Variants in MED9 observed in about 807,000 individuals in gnomAD.
MED9 encodes the protein mediator complex subunit 9, also known as mediator of RNA polymerase II transcription subunit 9.
A neutral mutation model predicts 13.2 loss-of-function variants in MED9; 8 were observed. The observed-to-expected ratio is 0.61, with a 90% confidence interval of 0.36 to 1.10. The LOEUF is 1.10. MED9 is among the 50% of genes least tolerant of loss of function. The pLI, the probability that MED9 is intolerant of heterozygous loss-of-function variation, is 0.02. For missense variants in MED9, 180 were observed against 193.4 expected (o/e 0.93, Z 0.41); for synonymous variants, 87 against 82.8 (o/e 1.05, Z -0.28).
chr17:17,483,872 G>C lies in MED9; in HGVS notation c.224+6607G>C, dbSNP rs920217561. ...GAATCGCTTGAACCCGGGAGGCGGA[G>C]GTTGCAGTGAGCCACGATCGCACCA... On this transcript the variant is annotated intron_variant, in intron 1 of 1. Coordinates refer to ENST00000268711, the MANE Select transcript of MED9 (RefSeq NM_018019.3). The surrounding 1 kb of genome is among the most constrained non-coding windows in gnomAD (Gnocchi z 4.2). Among the ~76,000 whole-genome samples, 6 of 151,546 alleles carry C rather than the reference G, an allele frequency of 4.0e-5. No homozygotes were observed. The highest frequency in any genetic ancestry group is 7.4e-5 in the Non-Finnish European group (5 of 67,938).
chr17:17,477,027 C>G lies in MED9; in HGVS notation c.-15C>G. ...TTTTGGCGACCCGACCTCTGGCTAA[C>G]CTACCCCCGGAGCCATGGCCTCTGC... On this transcript the variant is annotated 5_prime_UTR_variant, in exon 1 of 2. Coordinates refer to ENST00000268711, the MANE Select transcript of MED9 (RefSeq NM_018019.3). 2 of 1,604,144 alleles carry G rather than the reference C, an allele frequency of 1.2e-6. No individual in the cohort carries two copies. Among genetic ancestry groups the G allele is most frequent in the South Asian group, 1.1e-5 (1 of 90,966 alleles).
At chr17:17,484,804 GAAGGCA>G (rs1905096440) in intron 1 of MED9, among the ~76,000 whole-genome samples, 1 of 152,198 alleles carries the variant, frequency 6.6e-6, no homozygotes. Context: ...CAAGCCCCAC[GAAGGCA>G]GGCCTTCGCG....
intron 1 of MED9, among the ~76,000 whole-genome samples, chr17:17,488,580 T>A (rs1433688381): frequency 6.6e-6 from 1 of 152,204 alleles, no homozygotes; most frequent in African/African-American, 2.4e-5. Context: ...ACGCCTGTAA[T>A]CCCAGCACTT....
Position 17,491,605 on chromosome 17 carries a change from C to A in MED9, c.*110C>A. Reference sequence around the variant, plus strand: ...TCCTGTGGACCCCAGCTCAGCTCGTCAAGCTGCAGGGGCGGGGCTCCTGTG... The same window carrying A: ...TCCTGTGGACCCCAGCTCAGCTCGTAAAGCTGCAGGGGCGGGGCTCCTGTG... On this transcript the variant is annotated 3_prime_UTR_variant, in exon 2 of 2. Transcript: ENST00000268711. 1 of 1,070,892 alleles carries A rather than the reference C, an allele frequency of 9.3e-7. No homozygotes were observed. The highest frequency in any genetic ancestry group is 1.4e-6 in the Non-Finnish European group (1 of 728,512). The allele number at this position is 1,070,892 out of a possible 1,614,324, so 66.3% of individuals were successfully genotyped here.
At position 17,491,318 on chromosome 17, in the gene MED9, C is replaced by T. The variant is rs535725583; in HGVS notation, c.264C>T (p.Asn88=). 42 of 1,613,966 alleles carry T rather than the reference C, an allele frequency of 2.6e-5. No individual in the cohort carries two copies. Among genetic ancestry groups the T allele is most frequent in the South Asian group, 5.5e-5 (5 of 91,088 alleles). ...GCCCGGAGGTCCACCAGGACCTGAA[C>T]GCCCTCAAAAGCAAGTTCCAGGAGA... ...KDSPEVHQDL[N]ALKSKFQEMR... The change falls in exon 2 of 2, where the codon AAC becomes AAT. Residue 88 remains asparagine, a synonymous_variant. Transcript: ENST00000268711.
rs952538082 is a variant in MED9, at chr17:17,490,412, A to G, written c.225-867A>G. On this transcript the variant is annotated intron_variant, in intron 1 of 1. Transcript: ENST00000268711. ...AGCCGAGATCGCACCACTGCCCTCC[A>G]GTCTGGGCGACAGAGTGAGACCCTG... Among the ~76,000 whole-genome samples, 53 of 152,252 alleles carry G rather than the reference A, an allele frequency of 3.5e-4. 1 individual carries two copies. The highest frequency in any genetic ancestry group is 1.3e-3 in the African/African-American group (53 of 41,468).
At chr17:17,477,299 C>A in intron 1 of MED9, 34 bp downstream of exon 1, 1 of 1,531,042 alleles carries the variant, frequency 6.5e-7, no homozygotes, top group South Asian at 1.3e-5. Context: ...GCCCCATACT[C>A]CCTCCAGCTT....
chr17:17,477,875 A>C (rs1904953820), intron 1 of MED9, among the ~76,000 whole-genome samples: 1 of 152,270 alleles, frequency 6.6e-6, no homozygotes, highest in Admixed American at 6.5e-5. Context: ...ACAGTACCAA[A>C]GGAAATAATT....
intron 1 of MED9, chr17:17,486,381 C>T (rs1350672107): frequency 1.3e-5 from 2 of 152,638 alleles, no homozygotes; most frequent in South Asian, 2.1e-4. Context: ...ACCAGGGCTG[C>T]GTGCGGCGCT....
In MED9 at chr17:17,491,561, A is replaced by C; in HGVS notation, c.*66A>C. The C allele has an allele frequency of 2.6e-5, 36 of 1,403,198 alleles. No individual in the cohort carries two copies. The highest frequency in any genetic ancestry group is 3.5e-5 in the Non-Finnish European group (35 of 998,604). The allele number at this position is 1,403,198 out of a possible 1,614,324, so 86.9% of individuals were successfully genotyped here. On this transcript the variant is annotated 3_prime_UTR_variant, in exon 2 of 2. Coordinates refer to ENST00000268711, the MANE Select transcript of MED9 (RefSeq NM_018019.3). ...CCTGTCTCCCCACTACCATCCCCAAACGCTCCTTGGGGCGTGGTTCCTGTG... is the reference window on the plus strand; with the variant it reads ...CCTGTCTCCCCACTACCATCCCCAACCGCTCCTTGGGGCGTGGTTCCTGTG...
chr17:17,482,045 C>T (rs1905041353), intron 1 of MED9, among the ~76,000 whole-genome samples: 1 of 152,178 alleles, frequency 6.6e-6, no homozygotes, highest in East Asian at 1.9e-4. Context: ...GGGCCTCTCC[C>T]TTCACTCCTC....
intron 1 of MED9, among the ~76,000 whole-genome samples, chr17:17,489,070 T>C (rs1905187248): frequency 2.0e-5 from 3 of 152,214 alleles, no homozygotes. Flanking sequence ...TTCACAGTCA[T>C]CCTGGCTTAG....
chr17:17,491,403 C>T lies in MED9; in HGVS notation c.349C>T (p.Gln117Ter). Residue 117 changes from glutamine (Q) to a stop codon, truncating the protein, a stop_gained, in exon 2 of 2, where the codon CAG (glutamine) becomes TAG (stop). Coordinates refer to ENST00000268711, the MANE Select transcript of MED9 (RefSeq NM_018019.3). LOFTEE classifies it high-confidence loss of function. ...IHLSPEQQQQQLQSLREQVRT... is the reference protein window; with the variant it reads ...IHLSPEQQQQ ...CCTGAGCCCCGAACAGCAGCAGCAG[C>T]AGCTGCAGAGCCTCCGGGAGCAAGT... 6.2e-7 allele frequency: 1 copy of T among 1,614,062 alleles called. No homozygotes were observed. The highest frequency in any genetic ancestry group is 8.5e-7 in the Non-Finnish European group (1 of 1,180,028).
rs764356780 is a variant in MED9 at position 17,477,128 on chromosome 17, G to T, written c.87G>T (p.Pro29=). The part of the protein sequence containing the change: ...TSDQPLPDTK[P]LPPPQPPPVP... ...ACCAGCCGCTGCCTGACACCAAGCC[G>T]CTGCCGCCTCCTCAGCCGCCGCCGG... Residue 29 remains proline, a synonymous_variant, in exon 1 of 2, where the codon CCG becomes CCT. Coordinates refer to ENST00000268711, the MANE Select transcript of MED9 (RefSeq NM_018019.3). The T allele has an allele frequency of 2.3e-5, 37 of 1,607,258 alleles. No homozygotes were observed. The highest frequency in any genetic ancestry group is 3.1e-5 in the Non-Finnish European group (36 of 1,178,162).
chr17:17,481,877 G>A (rs377032570), intron 1 of MED9, among the ~76,000 whole-genome samples: 45 of 152,260 alleles, frequency 3.0e-4, no homozygotes, highest in African/African-American at 1.0e-3. Context: ...AGAGCACTAC[G>A]TCTTTTTAGC....
chr17:17,482,336 C>T (rs1905045301), intron 1 of MED9, among the ~76,000 whole-genome samples: 1 of 152,210 alleles, frequency 6.6e-6, no homozygotes, highest in Non-Finnish European at 1.5e-5. Context: ...TCCCCATCAC[C>T]TGCCATCACC....
At chr17:17,478,957 G>A (rs770920541) in intron 1 of MED9, among the ~76,000 whole-genome samples, 1 of 152,130 alleles carries the variant, frequency 6.6e-6, no homozygotes, top group Non-Finnish European at 1.5e-5. Context: ...TGGAGCCCCT[G>A]TAATCCTAGG....
intron 1 of MED9, among the ~76,000 whole-genome samples, chr17:17,478,022 G>T (rs949099402): frequency 2.6e-5 from 4 of 152,164 alleles, no homozygotes; most frequent in African/African-American, 7.2e-5. Flanking sequence ...TTGAGAGAGG[G>T]TCTCGCTCTG....
At position 17,484,817 on chromosome 17, in the gene MED9, C is replaced by T. The variant is rs188992935; in HGVS notation, c.225-6462C>T. On this transcript the variant is annotated intron_variant, in intron 1 of 1. Coordinates refer to ENST00000268711, the MANE Select transcript of MED9 (RefSeq NM_018019.3). ...GGCAAGCCCCACGAAGGCAGGCCTT[C>T]GCGAGTCAGCACTTCCTTAGTGGGC... Among the ~76,000 whole-genome samples, 310 of 152,318 alleles carry T rather than the reference C, an allele frequency of 2.0e-3. 4 individuals carry two copies. The highest frequency in any genetic ancestry group is 6.9e-3 in the African/African-American group (285 of 41,574).
Sources: gnomAD v4.1 joint callset for allele counts (sites outside exome capture counted in the v4.1 genomes callset) on GRCh38, gnomAD v4.1.1 for gene constraint, Gnocchi (gnomAD v3.1) non-coding constraint, MANE v1.5 for transcripts, NCBI Gene and HGNC (gene_info 2026-07-23, HGNC 2026-07-21) for gene names.